Variants in NTRK2 observed in about 807,000 individuals in gnomAD.
NTRK2 encodes neurotrophic receptor tyrosine kinase 2, also known as BDNF/NT-3 growth factors receptor.
NTRK2 carries 13 observed loss-of-function variants against 94.5 expected under a neutral mutation model. The ratio of observed to expected loss-of-function variants is 0.14; its 90% CI spans 0.09 to 0.22. The LOEUF (loss-of-function observed/expected upper bound fraction) is 0.22, where lower values mean the gene tolerates loss of function less well. NTRK2 is among the 10% of genes least tolerant of loss of function. NTRK2 has a pLI of 1.00. For missense variants in NTRK2, 639 were observed against 1,071.2 expected (o/e 0.60, Z 5.63); for synonymous variants, 372 against 407.4 (o/e 0.91, Z 1.05).
intron 12 of NTRK2, among the ~76,000 whole-genome samples, chr9:84,842,951 A>G (rs753567217): frequency 3.9e-5 from 6 of 152,156 alleles, no homozygotes; most frequent in African/African-American, 7.2e-5. Context: ...ATCTATTCCC[A>G]TGATCCAGTC....
chr9:84,955,687 T>A (rs1044717356), intron 17 of NTRK2, 170 bp downstream of exon 17: 16 of 713,518 alleles, frequency 2.2e-5, no homozygotes, highest in Non-Finnish European at 3.5e-5. Context: ...AAGGTGTGAG[T>A]GGGATTGGTT....
rs2077765667 is a variant in NTRK2, at chr9:84,926,117, CCTTCCT to C, written c.1634-8044_1634-8039del. 3.1e-4 allele frequency among the ~76,000 whole-genome samples: 13 copies of C among 41,702 alleles called. No individual in the cohort carries two copies. In the South Asian group the frequency reaches 3.7e-3, roughly 12 times the overall value. 27.4% of individuals were successfully genotyped at this position (41,702 alleles called of 152,430 possible). A position where few individuals can be genotyped will look rare whatever the true frequency, so the allele number is the denominator to read the frequency against. On this transcript the variant is annotated intron_variant, in intron 14 of 18. Transcript: ENST00000277120. ...CCTTCCTTCCTTCCTTTCCTTCCTT[CCTTCCT>C]TCCTTCCTTCCTTCCTTCCTTCCTT...
At chr9:84,929,159 C>A (rs1471340044) in intron 14 of NTRK2, among the ~76,000 whole-genome samples, 3 of 152,084 alleles carry the variant, frequency 2.0e-5, no homozygotes, top group Non-Finnish European at 4.4e-5. Context: ...ATATGTACTT[C>A]TGGGAGGAAT....
In NTRK2 at chr9:84,670,322, A is replaced by G. The variant is rs45554739; in HGVS notation, c.-372-55A>G. On this transcript the variant is annotated intron_variant, in intron 1 of 18. Transcript: ENST00000277120. ...GCGAGCAGAGAGGGAGAGTGCCCCA[A>G]TTAGTGGTGTTGGGGGTCCTACGCT... 15,780 of 295,420 alleles carry G rather than the reference A, an allele frequency of 0.053. 719 individuals carry two copies. The highest frequency in any genetic ancestry group is 0.15 in the African/African-American group (6,841 of 45,600). 18.3% of individuals were successfully genotyped at this position (295,420 alleles called of 1,614,324 possible). A position where few individuals can be genotyped will look rare whatever the true frequency, so the allele number is the denominator to read the frequency against.
upstream of NTRK2, chr9:84,669,417 C>T (rs199590309): frequency 1.3e-4 from 20 of 152,640 alleles, no homozygotes; most frequent in Non-Finnish European, 2.9e-5. This position sits in a 1 kb window ranked among gnomAD's most constrained non-coding sequence, Gnocchi z 4.1. Context: ...AACGGTTCAT[C>T]TTAGAGGTAC....
intron 14 of NTRK2, among the ~76,000 whole-genome samples, chr9:84,901,394 G>T (rs2076925503): frequency 6.6e-6 from 1 of 150,406 alleles, no homozygotes; most frequent in Admixed American, 6.6e-5. Flanking sequence ...AGCTATTTTT[G>T]TGTGTGTGTG....
chr9:84,941,682 G>A (rs952936793), intron 15 of NTRK2, among the ~76,000 whole-genome samples: 4 of 152,180 alleles, frequency 2.6e-5, no homozygotes, highest in African/African-American at 9.6e-5. Flanking sequence ...TTATGCTGGT[G>A]TATTTAAAGC....
rs11140760 is a variant in NTRK2, at chr9:84,798,940, A to T, written c.1396+46855A>T. Among the ~76,000 whole-genome samples the T allele has an allele frequency of 2.9e-4, 34 of 117,842 alleles. 1 individual carries two copies. Among genetic ancestry groups the T allele is most frequent in the African/African-American group, 9.1e-4 (32 of 35,358 alleles). The allele number at this position is 117,842 out of a possible 152,430, so 77.3% of individuals were successfully genotyped here. On this transcript the variant is annotated intron_variant, in intron 12 of 18. Transcript: ENST00000277120. ...TATATATATATATATATATATATAT[A>T]TGCTTATTTAATCTGCACATCAGCC... is the stretch of plus-strand genomic sequence containing the variant.
At chr9:84,919,614 C>T (rs539849116) in intron 14 of NTRK2, among the ~76,000 whole-genome samples, 50 of 152,252 alleles carry the variant, frequency 3.3e-4, no homozygotes, top group African/African-American at 1.1e-3. Flanking sequence ...AATAAAATTG[C>T]ATGTGAGAGT....
intron 14 of NTRK2, among the ~76,000 whole-genome samples, chr9:84,929,533 A>G (rs1288512142): frequency 6.6e-6 from 1 of 151,180 alleles, no homozygotes; most frequent in Non-Finnish European, 1.5e-5. Context: ...CTTCAAATCT[A>G]GGAAGTCATT....
intron 17 of NTRK2, 76 bp from the exon 18 acceptor site, chr9:85,020,130 A>T (rs2117915293): frequency 6.7e-7 from 1 of 1,491,478 alleles, no homozygotes; most frequent in Admixed American, 1.7e-5. Flanking sequence ...GAAAGCAAAC[A>T]GTGTCCCCCA....
rs141014004 is a variant in NTRK2, at chr9:84,794,877, A to G, written c.1396+42792A>G. On this transcript the variant is annotated intron_variant, in intron 12 of 18. Coordinates refer to ENST00000277120, the MANE Select transcript of NTRK2 (RefSeq NM_006180.6). Reference sequence around the variant, plus strand: ...CCACCTCTCTATATTTGGTAAGAAGATAACATCTCAGTAAAATGAAATGGT... The same window carrying G: ...CCACCTCTCTATATTTGGTAAGAAGGTAACATCTCAGTAAAATGAAATGGT... Among the ~76,000 whole-genome samples the G allele has an allele frequency of 1.8e-3, 278 of 152,312 alleles. 1 individual carries two copies. The highest frequency in any genetic ancestry group is 6.5e-3 in the African/African-American group (268 of 41,550).
chr9:84,873,564 T>C, intron 14 of NTRK2: 2 of 1,053,778 alleles, frequency 1.9e-6, no homozygotes, highest in South Asian at 9.2e-5. Context: ...CCAAAGGAGA[T>C]GATAAGAAGC....
At position 84,823,127 on chromosome 9, in the gene NTRK2, A is replaced by C. The variant is rs529267997; in HGVS notation, c.1397-37913A>C. Among the ~76,000 whole-genome samples, 5 of 152,268 alleles carry C rather than the reference A, an allele frequency of 3.3e-5. No individual in the cohort carries two copies. The East Asian group carries it at 9.6e-4, about 29-fold the overall frequency. ...TAAAAGTACCCAGGCTGGGCAAGTC[A>C]ACATTTTGAAATGTTTAAAAAATGT... On this transcript the variant is annotated intron_variant, in intron 12 of 18. Coordinates refer to ENST00000277120, the MANE Select transcript of NTRK2 (RefSeq NM_006180.6).
At chr9:84,852,986 GT>G (rs11316998) in intron 12 of NTRK2, among the ~76,000 whole-genome samples, 17,813 of 146,134 alleles carry the variant, frequency 0.12, 1,273 homozygotes, top group East Asian at 0.24. Flanking sequence ...AATAAATACT[GT>G]TTTTTTTTTT....
chr9:84,999,074 C>T (rs903417837), intron 17 of NTRK2, among the ~76,000 whole-genome samples: 1 of 152,218 alleles, frequency 6.6e-6, no homozygotes, highest in African/African-American at 2.4e-5. Flanking sequence ...TGTCTTTGGC[C>T]TGCATAAGAG....
chr9:84,889,705 GC>G (rs1479165353), intron 14 of NTRK2, among the ~76,000 whole-genome samples: 1 of 152,230 alleles, frequency 6.6e-6, no homozygotes, highest in Non-Finnish European at 1.5e-5. Context: ...AAGCCACTGT[GC>G]CCGGCCAATA....
intron 14 of NTRK2, among the ~76,000 whole-genome samples, chr9:84,922,284 T>C (rs1002647840): frequency 6.6e-6 from 1 of 152,230 alleles, no homozygotes; most frequent in African/African-American, 2.4e-5. Flanking sequence ...CAACGTTCTC[T>C]TTCCAACCAA....
chr9:84,879,043 C>G (rs1211041621), intron 14 of NTRK2, among the ~76,000 whole-genome samples: 1 of 152,120 alleles, frequency 6.6e-6, no homozygotes, highest in African/African-American at 2.4e-5. Context: ...ACTGAAATAG[C>G]AGATAAGTGC....
Sources: allele counts gnomAD v4.1 joint callset (sites outside exome capture counted in the v4.1 genomes callset), GRCh38; gene constraint gnomAD v4.1.1; non-coding constraint Gnocchi (gnomAD v3.1); transcripts MANE v1.5; gene names NCBI Gene and HGNC (gene_info 2026-07-23, HGNC 2026-07-21).